The following PTPRD variants were observed in gnomAD, a reference collection of about 807,000 sequenced individuals.
PTPRD encodes protein tyrosine phosphatase receptor type D.
Under a neutral mutation model 214.5 loss-of-function variants are expected in PTPRD, and 34 were observed. The observed-to-expected ratio is 0.16, with a 90% CI of 0.12 to 0.21. The LOEUF is 0.21. Among genes scored for constraint, PTPRD ranks in the 10% least tolerant of loss-of-function variants. The probability of loss-of-function intolerance (pLI) is 1.00; values close to 1 mark genes in which losing one functional copy is unlikely to be tolerated. For missense variants in PTPRD, 2,545 were observed against 2,398.7 expected (o/e 1.06, Z -1.27); for synonymous variants, 1,128 against 845.7 (o/e 1.33, Z -5.79).
Position 8,432,659 on chromosome 9 carries a change from A to T in PTPRD, c.4086+3933T>A, listed in dbSNP as rs185948364. 7.9e-5 allele frequency among the ~76,000 whole-genome samples: 12 copies of T among 152,336 alleles called. No homozygotes were observed. In the East Asian group the frequency reaches 2.3e-3, roughly 29 times the overall value. The stretch of plus-strand genomic sequence containing the variant: ...TGAAAGCCAGTAAAAATCTATTCAA[A>T]TTTATGTAGAAGATAATAAACAATT... On this transcript the variant is annotated intron_variant, in intron 35 of 45. Coordinates refer to ENST00000381196, the MANE Select transcript of PTPRD (RefSeq NM_002839.4).
chr9:10,398,166 A>T (rs548035642), intron 2 of PTPRD, among the ~76,000 whole-genome samples: 62 of 151,608 alleles, frequency 4.1e-4, no homozygotes, highest in African/African-American at 1.3e-3. Context: ...AGTGCTTGAG[A>T]CCAGGAGTCT....
chr9:8,717,445 G>T (rs1460827298), intron 12 of PTPRD, among the ~76,000 whole-genome samples: 1 of 152,120 alleles, frequency 6.6e-6, no homozygotes, highest in Admixed American at 6.5e-5. Context: ...CAAAAATACA[G>T]TTCAGATCCT....
At chr9:10,354,886 T>G (rs761354009) in intron 2 of PTPRD, among the ~76,000 whole-genome samples, 3 of 152,220 alleles carry the variant, frequency 2.0e-5, no homozygotes, top group Non-Finnish European at 4.4e-5. Context: ...ATTTTGCATG[T>G]GCTCATGGTA....
intron 4 of PTPRD, among the ~76,000 whole-genome samples, chr9:10,027,590 C>G (rs2096951951): frequency 6.6e-6 from 1 of 152,110 alleles, no homozygotes; most frequent in African/African-American, 2.4e-5. Context: ...TATGTGGAAG[C>G]ATTTGTTATA....
intron 8 of PTPRD, among the ~76,000 whole-genome samples, chr9:9,500,097 T>C (rs999431237): frequency 6.6e-6 from 1 of 152,142 alleles, no homozygotes; most frequent in East Asian, 1.9e-4. Context: ...AAACTTACTT[T>C]TCCTCCATTT....
At chr9:8,536,506 G>C (rs1485846429) in intron 14 of PTPRD, among the ~76,000 whole-genome samples, 4 of 151,812 alleles carry the variant, frequency 2.6e-5, no homozygotes, top group Non-Finnish European at 5.9e-5. Context: ...CTCAGGATTG[G>C]TTCTAGAAGA....
At chr9:9,467,604 A>AAAAAAAAAAAAAAAAAC (rs1390030330) in intron 8 of PTPRD, among the ~76,000 whole-genome samples, 1 of 149,556 alleles carries the variant, frequency 6.7e-6, no homozygotes, top group African/African-American at 2.5e-5. Context: ...AAAAAAAAAA[A>AAAAAAAAAAAAAAAAAC]AAAAAAGTTG....
chr9:10,339,715 T>C (rs1236109134), intron 3 of PTPRD, among the ~76,000 whole-genome samples: 1 of 151,660 alleles, frequency 6.6e-6, no homozygotes, highest in Admixed American at 6.6e-5. Flanking sequence ...AGAAGTCCTG[T>C]TATCTTTAAG....
intron 3 of PTPRD, among the ~76,000 whole-genome samples, chr9:10,304,744 C>T (rs2154410273): frequency 6.6e-6 from 1 of 152,184 alleles, no homozygotes; most frequent in Middle Eastern, 3.4e-3. Flanking sequence ...AGCCACTGCT[C>T]AAGCAAATAA....
intron 14 of PTPRD, among the ~76,000 whole-genome samples, chr9:8,607,513 C>T (rs1034379291): frequency 2.6e-5 from 4 of 151,984 alleles, no homozygotes; most frequent in African/African-American, 7.3e-5. Context: ...CGTGGTGACA[C>T]GCGCCTGTAA....
At chr9:8,884,904 A>G (rs1006660855) in intron 11 of PTPRD, among the ~76,000 whole-genome samples, 1 of 152,156 alleles carries the variant, frequency 6.6e-6, no homozygotes, top group South Asian at 2.1e-4. Context: ...GAAATATATC[A>G]AGTCTCCATG....
Position 10,019,487 on chromosome 9 carries a change from T to C in PTPRD, c.-472+14231A>G, listed in dbSNP as rs1035025533. ...AAAGACACATGCACACGTATGTTTATTGTGGCACTATTCACAATAGCAAAG... is the reference window on the plus strand; with the variant it reads ...AAAGACACATGCACACGTATGTTTACTGTGGCACTATTCACAATAGCAAAG... On this transcript the variant is annotated intron_variant, in intron 4 of 45. Coordinates refer to ENST00000381196, the MANE Select transcript of PTPRD (RefSeq NM_002839.4). Among the ~76,000 whole-genome samples, 4 of 152,158 alleles carry C rather than the reference T, an allele frequency of 2.6e-5. No homozygotes were observed. In the South Asian group the frequency reaches 6.2e-4, roughly 24 times the overall value.
intron 7 of PTPRD, among the ~76,000 whole-genome samples, chr9:9,718,486 G>C (rs982549666): frequency 6.6e-6 from 1 of 152,144 alleles, no homozygotes; most frequent in African/African-American, 2.4e-5. Flanking sequence ...AAATAGTGAG[G>C]TGGGAGCTCC....
intron 3 of PTPRD, among the ~76,000 whole-genome samples, chr9:10,202,789 G>A (rs1454728909): frequency 6.6e-6 from 1 of 150,616 alleles, no homozygotes; most frequent in East Asian, 2.0e-4. Flanking sequence ...AAACTTAAAA[G>A]AGATAGAAGG....
intron 3 of PTPRD, among the ~76,000 whole-genome samples, chr9:10,311,928 CT>C (rs997457416): frequency 1.1e-4 from 17 of 151,528 alleles, no homozygotes; most frequent in Admixed American, 6.6e-4. Flanking sequence ...TTATTTACCA[CT>C]TTTTTTTTCT....
chr9:9,236,888 A>C (rs2099967116), intron 9 of PTPRD, among the ~76,000 whole-genome samples: 1 of 151,958 alleles, frequency 6.6e-6, no homozygotes, highest in South Asian at 2.1e-4. Context: ...AGCTTTTCTA[A>C]CTCTGGCTGT....
At chr9:9,078,631 G>A (rs866408511) in intron 10 of PTPRD, among the ~76,000 whole-genome samples, 2 of 150,814 alleles carry the variant, frequency 1.3e-5, no homozygotes, top group South Asian at 4.2e-4. Context: ...TGGGAAAGGA[G>A]TTGTGTTTAG....
intron 9 of PTPRD, among the ~76,000 whole-genome samples, chr9:9,259,972 G>C (rs1318982079): frequency 6.6e-6 from 1 of 151,876 alleles, no homozygotes; most frequent in Non-Finnish European, 1.5e-5. Flanking sequence ...ACTTCTGAAA[G>C]GCGAGTAGGC....
intron 36 of PTPRD, among the ~76,000 whole-genome samples, chr9:8,398,535 C>T (rs887176173): frequency 6.6e-6 from 1 of 152,058 alleles, no homozygotes; most frequent in Non-Finnish European, 1.5e-5. Flanking sequence ...AATGTGTTCC[C>T]GTAAATTCAT....
Sources: allele counts gnomAD v4.1 joint callset (sites outside exome capture counted in the v4.1 genomes callset), GRCh38; gene constraint gnomAD v4.1.1; transcripts MANE v1.5; gene names NCBI Gene and HGNC (gene_info 2026-07-23, HGNC 2026-07-21).